Variants in NRXN1 observed in about 807,000 individuals in gnomAD.
The protein encoded by NRXN1 is neurexin-1.
A neutral mutation model predicts 150.9 loss-of-function variants in NRXN1; 39 were observed. That is an observed-to-expected ratio of 0.26 (90% confidence interval 0.20 to 0.34). The LOEUF (loss-of-function observed/expected upper bound fraction) is 0.34. NRXN1 is among the 10% of genes least tolerant of loss of function. The pLI is 1.00. For missense variants in NRXN1, 1,815 were observed against 1,949.9 expected (o/e 0.93, Z 1.30); for synonymous variants, 924 against 757.0 (o/e 1.22, Z -3.62).
chr2:50,635,977 A>C (rs1683182130), intron 5 of NRXN1, among the ~76,000 whole-genome samples: 1 of 152,202 alleles, frequency 6.6e-6, no homozygotes, highest in South Asian at 2.1e-4. Flanking sequence ...GTTAGATATT[A>C]TGATCATTAT....
chr2:50,327,397 T>C (rs2152979934), intron 17 of NRXN1, among the ~76,000 whole-genome samples: 1 of 152,294 alleles, frequency 6.6e-6, no homozygotes, highest in South Asian at 2.1e-4. Context: ...GACTAAGACG[T>C]AGCTTGAGAG....
chr2:50,105,889 C>T (rs1296213975), intron 18 of NRXN1, among the ~76,000 whole-genome samples: 2 of 151,720 alleles, frequency 1.3e-5, no homozygotes, highest in South Asian at 4.2e-4. Flanking sequence ...ATATAAACCA[C>T]CATTAACTAT....
intron 18 of NRXN1, among the ~76,000 whole-genome samples, chr2:50,099,310 C>T (rs1042279920): frequency 2.0e-5 from 3 of 152,010 alleles, no homozygotes; most frequent in African/African-American, 7.3e-5. Context: ...ACCACACTTC[C>T]CAGAATACCT....
chr2:50,947,670 A>C (rs1471862328), intron 2 of NRXN1, among the ~76,000 whole-genome samples: 1 of 151,980 alleles, frequency 6.6e-6, no homozygotes, highest in Admixed American at 6.6e-5. Flanking sequence ...TTAAAATTCA[A>C]TATCATAATA....
intron 17 of NRXN1, among the ~76,000 whole-genome samples, chr2:50,461,321 T>G: frequency 6.6e-6 from 1 of 151,966 alleles, no homozygotes; most frequent in Non-Finnish European, 1.5e-5. Flanking sequence ...AGCACCAAAA[T>G]AACAGCACTA....
chr2:49,963,215 G>T (rs12621581), intron 21 of NRXN1, among the ~76,000 whole-genome samples: 4 of 151,864 alleles, frequency 2.6e-5, no homozygotes, highest in African/African-American at 9.7e-5. Flanking sequence ...CACAGAATTC[G>T]GTGAATTTTC....
In NRXN1 at chr2:50,834,394, T is replaced by A. The variant is rs1038617631; in HGVS notation, c.832+87475A>T. On this transcript the variant is annotated intron_variant, in intron 5 of 22. Coordinates refer to ENST00000401669, the MANE Select transcript of NRXN1 (RefSeq NM_001330078.2). Reference sequence around the variant, plus strand: ...TAATTGGTTTTGCAGTTTTGAAGGATGTGGTGCTCAGTTTTTGAGGGGTTG... The same window carrying A: ...TAATTGGTTTTGCAGTTTTGAAGGAAGTGGTGCTCAGTTTTTGAGGGGTTG... Among the ~76,000 whole-genome samples the A allele has an allele frequency of 2.6e-5, 4 of 152,298 alleles. No homozygotes were observed. The East Asian group carries it at 7.7e-4, about 29-fold the overall frequency.
chr2:50,891,478 A>G (rs545872571), intron 5 of NRXN1, among the ~76,000 whole-genome samples: 2 of 152,210 alleles, frequency 1.3e-5, no homozygotes, highest in East Asian at 3.9e-4. Context: ...TTATTATACA[A>G]TCTGATATAA....
At chr2:50,921,543 T>A (rs1686034752) in intron 5 of NRXN1, among the ~76,000 whole-genome samples, 1 of 151,694 alleles carries the variant, frequency 6.6e-6, no homozygotes, top group Admixed American at 6.6e-5. Context: ...GAAGATCACA[T>A]ATTTACAGTT....
intron 2 of NRXN1, among the ~76,000 whole-genome samples, chr2:50,927,498 A>G (rs1283709893): frequency 6.6e-6 from 1 of 151,996 alleles, no homozygotes; most frequent in Admixed American, 6.6e-5. Flanking sequence ...TGGACTGCCA[A>G]TTTATTAAAC....
At chr2:49,947,383 A>T (rs909284081) in intron 21 of NRXN1, among the ~76,000 whole-genome samples, 15 of 151,880 alleles carry the variant, frequency 9.9e-5, no homozygotes, top group African/African-American at 3.4e-4. Context: ...GTTTGGTAAT[A>T]TGTGGAAATA....
intron 5 of NRXN1, among the ~76,000 whole-genome samples, chr2:50,883,973 T>C (rs1679841417): frequency 6.6e-6 from 1 of 151,790 alleles, no homozygotes; most frequent in African/African-American, 2.4e-5. Context: ...GAGCTAGAAA[T>C]ATTCTGCTTT....
chr2:50,110,610 G>A (rs1485766920), intron 18 of NRXN1, among the ~76,000 whole-genome samples: 1 of 151,944 alleles, frequency 6.6e-6, no homozygotes, highest in Non-Finnish European at 1.5e-5. Context: ...TTATATGTGG[G>A]GTGTGTGTGC....
At chr2:49,983,902 T>C (rs1680432188) in intron 21 of NRXN1, among the ~76,000 whole-genome samples, 2 of 152,118 alleles carry the variant, frequency 1.3e-5, no homozygotes, top group African/African-American at 4.8e-5. Context: ...CTGGACACTG[T>C]GGCTCCTTCC....
chr2:51,027,886 T>G lies in NRXN1; in HGVS notation c.388A>C (p.Ile130Leu). Residue 130 changes from isoleucine to leucine, a missense_variant, in exon 2 of 23, where the codon ATC (isoleucine) becomes CTC (leucine). Coordinates refer to ENST00000401669, the MANE Select transcript of NRXN1 (RefSeq NM_001330078.2). Reference sequence around the variant, plus strand: ...ACCCACTTGGCCTCCACCTGGTCGATGAAGAGCGTGGTGTTGCGGAACTGG... The same window carrying G: ...ACCCACTTGGCCTCCACCTGGTCGAGGAAGAGCGTGGTGTTGCGGAACTGG... ...RRQFRNTTLF[I>L]DQVEAKWVEV... The G allele has an allele frequency of 2.5e-6, 4 of 1,612,016 alleles. No individual in the cohort carries two copies. The highest frequency in any genetic ancestry group is 3.4e-6 in the Non-Finnish European group (4 of 1,179,716).
At chr2:50,622,249 C>A (rs908093110) in intron 6 of NRXN1, among the ~76,000 whole-genome samples, 1 of 152,126 alleles carries the variant, frequency 6.6e-6, no homozygotes, top group Non-Finnish European at 1.5e-5. Context: ...TAAATCTACA[C>A]TCCTAAAGCT....
intron 21 of NRXN1, among the ~76,000 whole-genome samples, chr2:49,959,885 C>T (rs371269186): frequency 6.6e-6 from 1 of 152,144 alleles, no homozygotes; most frequent in Admixed American, 6.6e-5. Context: ...AAGAGGTAGA[C>T]AATCCACTTT....
At chr2:50,755,247 C>T (rs551560900) in intron 5 of NRXN1, among the ~76,000 whole-genome samples, 9 of 151,828 alleles carry the variant, frequency 5.9e-5, no homozygotes, top group Admixed American at 1.3e-4. Context: ...TCAACCCCAC[C>T]GCTTCTAATT....
chr2:50,205,228 A>T (rs1479357814), intron 18 of NRXN1, among the ~76,000 whole-genome samples: 1 of 152,064 alleles, frequency 6.6e-6, no homozygotes, highest in African/African-American at 2.4e-5. Flanking sequence ...CTCATGAAAA[A>T]CTTTGCATTT....
Sources: allele counts gnomAD v4.1 joint callset (sites outside exome capture counted in the v4.1 genomes callset), GRCh38; gene constraint gnomAD v4.1.1; transcripts MANE v1.5; gene names NCBI Gene and HGNC (gene_info 2026-07-23, HGNC 2026-07-21).